NUDT3: variants seen among roughly 807,000 people sequenced by gnomAD.
NUDT3 encodes diphosphoinositol polyphosphate phosphohydrolase 1.
A neutral mutation model predicts 23.6 loss-of-function variants in NUDT3; 9 were observed. The ratio of observed to expected loss-of-function variants is 0.38; its 90% CI spans 0.23 to 0.66. The LOEUF (loss-of-function observed/expected upper bound fraction) is 0.66. NUDT3 is among the 30% of genes least tolerant of loss of function. The pLI, the probability that NUDT3 is intolerant of heterozygous loss-of-function variation, is 0.52. For missense variants in NUDT3, 172 were observed against 218.5 expected (o/e 0.79, Z 1.34); for synonymous variants, 86 against 82.6 (o/e 1.04, Z -0.22).
At chr6:34,323,974 A>ACCAC (rs1204311882) in intron 2 of NUDT3, among the ~76,000 whole-genome samples, 1 of 152,232 alleles carries the variant, frequency 6.6e-6, no homozygotes, top group Non-Finnish European at 1.5e-5. Flanking sequence ...GGTAAGCTAT[A>ACCAC]GTGGGCACTA....
chr6:34,312,346 G>A (rs917642694), intron 2 of NUDT3, among the ~76,000 whole-genome samples: 5 of 150,506 alleles, frequency 3.3e-5, no homozygotes, highest in Non-Finnish European at 7.4e-5. Flanking sequence ...AGGTTGCAGT[G>A]AGCTGTGATC....
chr6:34,291,332 A>G (rs866928667), intron 4 of NUDT3, among the ~76,000 whole-genome samples: 11 of 151,902 alleles, frequency 7.2e-5, no homozygotes, highest in African/African-American at 2.7e-4. Context: ...CCTTCTAGGG[A>G]AAGATATCTA....
At chr6:34,315,719 C>T (rs544132356) in intron 2 of NUDT3, among the ~76,000 whole-genome samples, 4 of 152,284 alleles carry the variant, frequency 2.6e-5, no homozygotes, top group African/African-American at 9.6e-5. Flanking sequence ...CTCTTGACAT[C>T]CTTTCAACAA....
At position 34,323,273 on chromosome 6, in the gene NUDT3, C is replaced by T. The variant is rs532808253; in HGVS notation, c.210+18589G>A. On this transcript the variant is annotated intron_variant, in intron 2 of 4. Transcript: ENST00000607016. The stretch of plus-strand genomic sequence containing the variant: ...AGGAAAGAGAGGGAGGAAGGGTGGG[C>T]GGGCACAAAGAAAGACGGGCTGGGC... 5.3e-5 allele frequency among the ~76,000 whole-genome samples: 8 copies of T among 151,580 alleles called. No homozygotes were observed. In the South Asian group the frequency reaches 1.5e-3, roughly 28 times the overall value.
intron 1 of NUDT3, among the ~76,000 whole-genome samples, chr6:34,361,880 G>T (rs541502369): frequency 1.3e-5 from 2 of 152,332 alleles, no homozygotes; most frequent in South Asian, 2.1e-4. Flanking sequence ...AATAGGTAGA[G>T]AAAGAACAGA....
At chr6:34,297,594 G>A (rs1456791196) in intron 2 of NUDT3, among the ~76,000 whole-genome samples, 9 of 148,058 alleles carry the variant, frequency 6.1e-5, no homozygotes, top group Admixed American at 4.7e-4. Flanking sequence ...CTGGAGTGCA[G>A]TGGCATGATC....
At chr6:34,334,345 A>C (rs551247094) in intron 2 of NUDT3, among the ~76,000 whole-genome samples, 1 of 152,330 alleles carries the variant, frequency 6.6e-6, no homozygotes, top group South Asian at 2.1e-4. Context: ...GACAATGAGC[A>C]AGAAAAAATG....
intron 1 of NUDT3, among the ~76,000 whole-genome samples, chr6:34,388,835 C>T (rs1289880129): frequency 1.3e-5 from 2 of 152,170 alleles, no homozygotes; most frequent in Admixed American, 6.5e-5. Flanking sequence ...TATTTTTCTT[C>T]CCAGGCTTTA....
At chr6:34,392,222 C>T (rs781504014) in intron 1 of NUDT3, 42 bp downstream of exon 1, 3 of 1,501,638 alleles carry the variant, frequency 2.0e-6, no homozygotes, top group African/African-American at 1.4e-5. Context: ...CCGAAGGGGC[C>T]GGAGACCCGG....
chr6:34,299,600 ATTTT>A (rs147548768), intron 2 of NUDT3, among the ~76,000 whole-genome samples: 19 of 137,068 alleles, frequency 1.4e-4, no homozygotes, highest in African/African-American at 3.2e-4. Context: ...ATTTTCTTGA[ATTTT>A]TTTTTTTTTT....
At chr6:34,341,731 G>A (rs1457875562) in intron 2 of NUDT3, 131 bp downstream of exon 2, 2 of 693,482 alleles carry the variant, frequency 2.9e-6, no homozygotes, top group Admixed American at 3.4e-5. Context: ...GGAGGGACCG[G>A]ATAACCATTC....
chr6:34,364,574 C>T (rs1264340980), intron 1 of NUDT3, among the ~76,000 whole-genome samples: 1 of 152,180 alleles, frequency 6.6e-6, no homozygotes, highest in Non-Finnish European at 1.5e-5. Context: ...TAAATCCTCT[C>T]CATTCTTCAC....
intron 2 of NUDT3, among the ~76,000 whole-genome samples, chr6:34,297,760 A>ATTT (rs1348385184): frequency 1.3e-4 from 7 of 53,620 alleles, no homozygotes; most frequent in Admixed American, 5.2e-4. Context: ...TATATATATA[A>ATTT]TTTTTTTTTT....
At chr6:34,367,423 A>C (rs930154360) in intron 1 of NUDT3, among the ~76,000 whole-genome samples, 1 of 151,802 alleles carries the variant, frequency 6.6e-6, no homozygotes, top group East Asian at 2.0e-4. Flanking sequence ...CGGAGGTTGC[A>C]GCGAGCCGAG....
At chr6:34,337,196 A>G (rs1764220527) in intron 2 of NUDT3, among the ~76,000 whole-genome samples, 1 of 152,202 alleles carries the variant, frequency 6.6e-6, no homozygotes, top group South Asian at 2.1e-4. Flanking sequence ...TCCTCTCAAT[A>G]ATGCTGGAAT....
At chr6:34,307,880 C>A (rs137856983) in intron 2 of NUDT3, among the ~76,000 whole-genome samples, 14,563 of 151,508 alleles carry the variant, frequency 0.096, 806 homozygotes, top group Non-Finnish European at 0.12. Context: ...GCACTTTGGG[C>A]GGCTGAGGCA....
At position 34,307,762 on chromosome 6, in the gene NUDT3, G is replaced by T. The variant is rs537170218; in HGVS notation, c.211-12077C>A. ...GAGAACAAAGGGCAATGGACAGAAA[G>T]CTATCAAACATGGGAGATATTAATC... On this transcript the variant is annotated intron_variant, in intron 2 of 4. Transcript: ENST00000607016. Among the ~76,000 whole-genome samples the T allele has an allele frequency of 1.1e-4, 16 of 152,208 alleles. No homozygotes were observed. In the South Asian group the frequency reaches 3.1e-3, roughly 30 times the overall value.
intron 2 of NUDT3, among the ~76,000 whole-genome samples, chr6:34,300,209 C>A (rs1214674444): frequency 6.6e-6 from 1 of 152,138 alleles, no homozygotes; most frequent in Non-Finnish European, 1.5e-5. Flanking sequence ...TGGGTGATGG[C>A]CCTTTGAACC....
At chr6:34,334,108 C>T (rs181605076) in intron 2 of NUDT3, among the ~76,000 whole-genome samples, 3 of 152,322 alleles carry the variant, frequency 2.0e-5, no homozygotes, top group East Asian at 3.9e-4. Flanking sequence ...TGATGCCTGC[C>T]GGTGCACTGT....
Sources: gnomAD v4.1 joint callset for allele counts (sites outside exome capture counted in the v4.1 genomes callset) on GRCh38, gnomAD v4.1.1 for gene constraint, MANE v1.5 for transcripts, NCBI Gene and HGNC (gene_info 2026-07-23, HGNC 2026-07-21) for gene names.